GRM8: variants seen among roughly 807,000 people sequenced by gnomAD.
The protein encoded by GRM8 is glutamate metabotropic receptor 8, also known as metabotropic glutamate receptor 8.
GRM8 carries 47 observed loss-of-function variants against 87.2 expected under a neutral mutation model. The ratio of observed to expected loss-of-function variants is 0.54; its 90% confidence interval spans 0.43 to 0.69. GRM8 has a LOEUF of 0.69. Ranked by LOEUF, GRM8 falls within the 30% of genes least tolerant of loss-of-function variation. The probability of loss-of-function intolerance (pLI) is 0.00; values close to 1 mark genes in which losing one functional copy is unlikely to be tolerated. For synonymous variants in GRM8, 396 were observed against 404.5 expected, an observed-to-expected ratio of 0.98 and a Z score of 0.25; for missense variants, 1,019 against 1,139.2, an observed-to-expected ratio of 0.89 and a Z score of 1.52.
At chr7:126,976,086 A>G (rs1370289766) in intron 3 of GRM8, among the ~76,000 whole-genome samples, 1 of 152,226 alleles carries the variant, frequency 6.6e-6, no homozygotes, top group Non-Finnish European at 1.5e-5. Flanking sequence ...ATGGATATGG[A>G]TGACTTTCTC....
At chr7:126,785,257 G>A (rs1160658817) in intron 6 of GRM8, among the ~76,000 whole-genome samples, 2 of 152,106 alleles carry the variant, frequency 1.3e-5, no homozygotes, top group Admixed American at 6.6e-5. Flanking sequence ...AGACAGACTC[G>A]GGTATTGGAG....
rs17866430 is a variant in GRM8 at position 127,103,109 on chromosome 7, C to T, written c.727+3387G>A. Among the ~76,000 whole-genome samples, 903 of 152,288 alleles carry T rather than the reference C, an allele frequency of 5.9e-3. 12 individuals are homozygous for T. Among genetic ancestry groups the T allele is most frequent in the African/African-American group, 0.021 (865 of 41,570 alleles). ...AACTCCACCTCAGCCCCCCAAAGTG[C>T]TGGGATTACAGGCATGAGCCATCAC... On this transcript the variant is annotated intron_variant, in intron 3 of 10. Coordinates refer to ENST00000339582, the MANE Select transcript of GRM8 (RefSeq NM_000845.3).
At position 126,625,895 on chromosome 7, in the gene GRM8, C is replaced by T. The variant is rs564160783; in HGVS notation, c.1358-16397G>A. The stretch of plus-strand genomic sequence containing the variant: ...ATGAATGTGAGAACAAACCAAAATA[C>T]GTTACAATACCCTGAATCTAATATA... On this transcript the variant is annotated intron_variant, in intron 7 of 10. Transcript: ENST00000339582. Among the ~76,000 whole-genome samples, 405 of 152,204 alleles carry T rather than the reference C, an allele frequency of 2.7e-3. 2 individuals carry two copies. Among genetic ancestry groups the T allele is most frequent in the Non-Finnish European group, 4.7e-3 (321 of 67,998 alleles).
intron 8 of GRM8, among the ~76,000 whole-genome samples, chr7:126,535,542 T>C (rs1380161388): frequency 1.3e-5 from 2 of 152,248 alleles, no homozygotes; most frequent in Non-Finnish European, 2.9e-5. Flanking sequence ...AGGGCAGTTC[T>C]GCAATTGTGT....
chr7:127,150,306 G>A (rs529682674), intron 2 of GRM8, among the ~76,000 whole-genome samples: 1 of 152,168 alleles, frequency 6.6e-6, no homozygotes, highest in South Asian at 2.1e-4. Flanking sequence ...CATTGCAATG[G>A]CAGGGACTTC....
At chr7:126,982,143 G>A (rs1811604025) in intron 3 of GRM8, among the ~76,000 whole-genome samples, 1 of 152,174 alleles carries the variant, frequency 6.6e-6, no homozygotes, top group Admixed American at 6.5e-5. Flanking sequence ...TCAAGGGCAG[G>A]GAGCATCCAG....
At chr7:126,480,342 C>T (rs1183329282) in intron 9 of GRM8, among the ~76,000 whole-genome samples, 1 of 151,972 alleles carries the variant, frequency 6.6e-6, no homozygotes, top group Non-Finnish European at 1.5e-5. Flanking sequence ...TGAAATTGTG[C>T]CACTGCACTC....
At chr7:126,553,977 T>C (rs1430003426) in intron 8 of GRM8, among the ~76,000 whole-genome samples, 2 of 152,186 alleles carry the variant, frequency 1.3e-5, no homozygotes. Context: ...CATGGTACTC[T>C]TTTGTACTTT....
intron 3 of GRM8, among the ~76,000 whole-genome samples, chr7:126,907,958 C>T (rs1403946250): frequency 2.6e-5 from 4 of 152,082 alleles, no homozygotes; most frequent in African/African-American, 7.2e-5. Context: ...AATGGGAAAC[C>T]GCTAAGTATG....
intron 2 of GRM8, among the ~76,000 whole-genome samples, chr7:127,196,157 T>TA (rs1294134628): frequency 6.6e-6 from 1 of 152,186 alleles, no homozygotes; most frequent in African/African-American, 2.4e-5. Flanking sequence ...GGGATTCCTA[T>TA]ACCCTAATAT....
chr7:126,508,485 A>G (rs1367794303), intron 9 of GRM8, among the ~76,000 whole-genome samples: 1 of 152,044 alleles, frequency 6.6e-6, no homozygotes, highest in Non-Finnish European at 1.5e-5. Flanking sequence ...GAGGCCCCAC[A>G]TCCCAATACT....
At chr7:126,550,108 G>GT (rs1395087962) in intron 8 of GRM8, among the ~76,000 whole-genome samples, 1 of 149,948 alleles carries the variant, frequency 6.7e-6, no homozygotes, top group Non-Finnish European at 1.5e-5. Flanking sequence ...AATGTTTTTT[G>GT]TTTTTTTGTT....
intron 7 of GRM8, among the ~76,000 whole-genome samples, chr7:126,760,185 T>A (rs1268762269): frequency 2.0e-5 from 3 of 152,118 alleles, no homozygotes; most frequent in African/African-American, 4.8e-5. Flanking sequence ...TTATCATTCA[T>A]CCTGCTTTTT....
chr7:127,058,498 T>C (rs1429033457), intron 3 of GRM8, among the ~76,000 whole-genome samples: 1 of 152,216 alleles, frequency 6.6e-6, no homozygotes, highest in Non-Finnish European at 1.5e-5. Context: ...TTCCTCCTTT[T>C]TTTCCCAGGC....
chr7:126,677,974 T>C (rs1275734262), intron 7 of GRM8, among the ~76,000 whole-genome samples: 1 of 152,160 alleles, frequency 6.6e-6, no homozygotes, highest in African/African-American at 2.4e-5. Context: ...GACTGATAAC[T>C]AGGGGCATGG....
At chr7:127,204,352 T>A (rs1013004347) in intron 2 of GRM8, among the ~76,000 whole-genome samples, 2 of 152,202 alleles carry the variant, frequency 1.3e-5, no homozygotes, top group Non-Finnish European at 2.9e-5. Context: ...GGAAAGCAGC[T>A]TCCCCGTTCT....
intron 3 of GRM8, among the ~76,000 whole-genome samples, chr7:127,024,950 GT>G (rs1162312246): frequency 6.6e-6 from 1 of 151,828 alleles, no homozygotes; most frequent in Non-Finnish European, 1.5e-5. Flanking sequence ...CTATGTTTTT[GT>G]TGTTGTTTTT....
chr7:127,234,629 G>C (rs1414953775), intron 2 of GRM8, among the ~76,000 whole-genome samples: 1 of 152,206 alleles, frequency 6.6e-6, no homozygotes, highest in African/African-American at 2.4e-5. Context: ...CAAAAGAGCA[G>C]CATCAGCATC....
At chr7:126,446,506 C>T in intron 9 of GRM8, 134 bp from the exon 10 acceptor site, 1 of 619,618 alleles carries the variant, frequency 1.6e-6, no homozygotes. Context: ...TTGAAATTGT[C>T]CTTAATTATA....
Sources: gnomAD v4.1 joint callset for allele counts (sites outside exome capture counted in the v4.1 genomes callset) on GRCh38, gnomAD v4.1.1 for gene constraint, MANE v1.5 for transcripts, NCBI Gene and HGNC (gene_info 2026-07-23, HGNC 2026-07-21) for gene names.